ADGRB3: variants seen among roughly 807,000 people sequenced by gnomAD.
ADGRB3 encodes the protein adhesion G protein-coupled receptor B3.
Under a neutral mutation model 193.4 loss-of-function variants are expected in ADGRB3, and 37 were observed. The ratio of observed to expected loss-of-function variants is 0.19; its 90% CI spans 0.15 to 0.25. The LOEUF (loss-of-function observed/expected upper bound fraction) is 0.25, where lower values mean the gene tolerates loss of function less well. Among genes scored for constraint, ADGRB3 ranks in the 10% least tolerant of loss-of-function variants. The pLI, the probability that ADGRB3 is intolerant of heterozygous loss-of-function variation, is 1.00. For synonymous variants in ADGRB3, 690 were observed against 644.2 expected, an observed-to-expected ratio of 1.07 and a Z score of -1.08; for missense variants, 1,637 against 1,852.9, an observed-to-expected ratio of 0.88 and a Z score of 2.14.
chr6:68,897,396 AAGAG>A (rs1165122244), intron 3 of ADGRB3, among the ~76,000 whole-genome samples: 24 of 139,500 alleles, frequency 1.7e-4, no homozygotes, highest in African/African-American at 5.0e-4. Flanking sequence ...GAAAGAAAGA[AAGAG>A]AGAGAGAGGG....
intron 3 of ADGRB3, among the ~76,000 whole-genome samples, chr6:68,745,635 T>C (rs1766068899): frequency 6.6e-6 from 1 of 152,034 alleles, no homozygotes; most frequent in Non-Finnish European, 1.5e-5. Context: ...ATGAATTATA[T>C]ATATATGTCA....
chr6:69,033,909 C>T (rs1562130329), intron 13 of ADGRB3, among the ~76,000 whole-genome samples: 1 of 151,982 alleles, frequency 6.6e-6, no homozygotes, highest in African/African-American at 2.4e-5. Context: ...GTATTGAAGG[C>T]ATAGCTGATG....
intron 3 of ADGRB3, among the ~76,000 whole-genome samples, chr6:68,700,357 A>AAAAAGTAGAT (rs1445028721): frequency 6.6e-6 from 1 of 151,912 alleles, no homozygotes; most frequent in East Asian, 1.9e-4. Context: ...TTTTCAAAAC[A>AAAAAGTAGAT]CCTTTTTTTT....
At chr6:68,696,174 G>C (rs1023692564) in intron 3 of ADGRB3, among the ~76,000 whole-genome samples, 12 of 151,956 alleles carry the variant, frequency 7.9e-5, no homozygotes, top group African/African-American at 2.7e-4. Flanking sequence ...TTAATATTTA[G>C]AGGGAACTTT....
intron 3 of ADGRB3, among the ~76,000 whole-genome samples, chr6:68,661,549 A>ATATATATG: frequency 3.7e-5 from 1 of 26,974 alleles, no homozygotes; most frequent in South Asian, 1.1e-3. Flanking sequence ...ATATATATAT[A>ATATATATG]TATATATATA....
intron 13 of ADGRB3, among the ~76,000 whole-genome samples, chr6:69,045,142 G>A (rs879814867): frequency 1.3e-5 from 2 of 152,092 alleles, no homozygotes; most frequent in Non-Finnish European, 1.5e-5. Context: ...TTTTACCTGA[G>A]TGTTTTGACA....
Position 69,239,125 on chromosome 6 carries a change from T to C in ADGRB3, c.2713T>C (p.Tyr905His). Reference sequence around the variant, plus strand: ...GGTAACTTTTCTCTCTCTGGCTAGGTACATACGCTCTGAGAGATCCATAAT... The same window carrying C: ...GGTAACTTTTCTCTCTCTGGCTAGGCACATACGCTCTGAGAGATCCATAAT... ...LAVVYAALWR[Y>H]IRSERSIILI... is the part of the protein sequence containing the mutation. Residue 905 changes from tyrosine to histidine, a missense_variant and splice_region_variant, in exon 20 of 32, where the codon TAC becomes CAC. Transcript: ENST00000370598. 1 of 1,575,200 alleles carries C rather than the reference T, an allele frequency of 6.3e-7. No individual in the cohort carries two copies. Among genetic ancestry groups the C allele is most frequent in the Non-Finnish European group, 8.7e-7 (1 of 1,146,364 alleles).
At chr6:68,758,573 G>A (rs1449013168) in intron 3 of ADGRB3, among the ~76,000 whole-genome samples, 1 of 152,000 alleles carries the variant, frequency 6.6e-6, no homozygotes, top group East Asian at 1.9e-4. Flanking sequence ...ATTCCCCCAT[G>A]TGTCCTATGG....
intron 13 of ADGRB3, among the ~76,000 whole-genome samples, chr6:69,025,747 A>C (rs1770415532): frequency 6.6e-6 from 1 of 152,240 alleles, no homozygotes; most frequent in Admixed American, 6.5e-5. Context: ...TGAGAAAACA[A>C]GTAGTTCAAA....
intron 3 of ADGRB3, among the ~76,000 whole-genome samples, chr6:68,689,768 A>G (rs1005296123): frequency 2.0e-5 from 3 of 152,152 alleles, no homozygotes; most frequent in African/African-American, 7.2e-5. Context: ...AATACTTACG[A>G]ATTTATTACT....
chr6:68,670,745 C>G (rs1768930907), intron 3 of ADGRB3, among the ~76,000 whole-genome samples: 1 of 151,844 alleles, frequency 6.6e-6, no homozygotes, highest in African/African-American at 2.4e-5. Context: ...TTTTCTGGGT[C>G]TTTTGTGGTT....
intron 10 of ADGRB3, among the ~76,000 whole-genome samples, chr6:68,981,681 T>A (rs1167559799): frequency 6.6e-6 from 1 of 151,254 alleles, no homozygotes; most frequent in Non-Finnish European, 1.5e-5. Context: ...AAATAACAAA[T>A]GGGCATGGCT....
At chr6:69,039,251 AG>A (rs1248918372) in intron 13 of ADGRB3, among the ~76,000 whole-genome samples, 35 of 123,040 alleles carry the variant, frequency 2.8e-4, no homozygotes, top group African/African-American at 7.5e-4. Context: ...TAATAAGGAA[AG>A]AAAAAAAAAA....
chr6:68,824,022 A>G (rs911601856), intron 3 of ADGRB3, among the ~76,000 whole-genome samples: 69 of 152,084 alleles, frequency 4.5e-4, no homozygotes, highest in African/African-American at 1.6e-3. Context: ...TCGCTGTGGA[A>G]TTCTTCATAT....
At chr6:68,999,018 A>G (rs1769480865) in intron 11 of ADGRB3, among the ~76,000 whole-genome samples, 1 of 152,338 alleles carries the variant, frequency 6.6e-6, no homozygotes, top group East Asian at 1.9e-4. Flanking sequence ...TACCTGTGAC[A>G]ATACTAAGCT....
intron 17 of ADGRB3, among the ~76,000 whole-genome samples, chr6:69,138,926 G>A (rs937199751): frequency 6.6e-6 from 1 of 152,186 alleles, no homozygotes; most frequent in African/African-American, 2.4e-5. Context: ...GACTTTTAAA[G>A]TTAGCTAGTG....
At chr6:69,232,344 C>G (rs1328074198) in intron 17 of ADGRB3, 2 of 1,285,858 alleles carry the variant, frequency 1.6e-6, no homozygotes, top group African/African-American at 1.5e-5. Context: ...CCATCCCCCC[C>G]ACCACGAACA....
chr6:69,310,930 C>T (rs997502363), intron 20 of ADGRB3, among the ~76,000 whole-genome samples: 1 of 151,684 alleles, frequency 6.6e-6, no homozygotes, highest in South Asian at 2.1e-4. Context: ...GTTGGTTTTG[C>T]CATCTGTAAT....
intron 17 of ADGRB3, among the ~76,000 whole-genome samples, chr6:69,142,706 C>T (rs1774373439): frequency 6.6e-6 from 1 of 152,196 alleles, no homozygotes; most frequent in East Asian, 1.9e-4. Flanking sequence ...AGGCTGGTTG[C>T]TTCTCTGGCT....
Sources: gnomAD v4.1 joint callset for allele counts (sites outside exome capture counted in the v4.1 genomes callset) on GRCh38, gnomAD v4.1.1 for gene constraint, MANE v1.5 for transcripts, NCBI Gene and HGNC (gene_info 2026-07-23, HGNC 2026-07-21) for gene names.